The following KCNIP4 variants were observed in gnomAD, a reference collection of about 807,000 sequenced individuals.
KCNIP4 encodes Kv channel-interacting protein 4.
In KCNIP4, 12 loss-of-function variants were observed where a neutral mutation model predicts 34.0. That is an observed-to-expected ratio of 0.35 (90% CI 0.23 to 0.57). KCNIP4 has a LOEUF of 0.57. Among genes scored for constraint, KCNIP4 ranks in the 20% least tolerant of loss-of-function variants. The pLI is 0.83. For synonymous variants in KCNIP4, 124 were observed against 102.2 expected, an observed-to-expected ratio of 1.21 and a Z score of -1.29; for missense variants, 238 against 311.7, an observed-to-expected ratio of 0.76 and a Z score of 1.78.
At chr4:20,772,848 A>G (rs1365250946) in intron 3 of KCNIP4, among the ~76,000 whole-genome samples, 1 of 151,732 alleles carries the variant, frequency 6.6e-6, no homozygotes, top group South Asian at 2.1e-4. Context: ...TCACCATGCT[A>G]ATCTCGAACT....
intron 1 of KCNIP4, among the ~76,000 whole-genome samples, chr4:21,469,867 G>A (rs559954374): frequency 6.6e-6 from 1 of 152,184 alleles, no homozygotes; most frequent in South Asian, 2.1e-4. Context: ...TACTAAATGT[G>A]TCCCTATGAT....
At chr4:20,950,634 C>T (rs1463622820) in intron 1 of KCNIP4, among the ~76,000 whole-genome samples, 1 of 151,934 alleles carries the variant, frequency 6.6e-6, no homozygotes, top group Non-Finnish European at 1.5e-5. Context: ...GGCTTTTCCC[C>T]CTTTGTAGGT....
At chr4:21,406,925 T>C (rs1724044119) in intron 1 of KCNIP4, among the ~76,000 whole-genome samples, 1 of 152,214 alleles carries the variant, frequency 6.6e-6, no homozygotes, top group African/African-American at 2.4e-5. Flanking sequence ...GGTTGATGGT[T>C]ATTTTAATAA....
At chr4:21,916,085 T>C (rs1728615422) in intron 1 of KCNIP4, among the ~76,000 whole-genome samples, 1 of 152,198 alleles carries the variant, frequency 6.6e-6, no homozygotes. Context: ...TATGTTTGGG[T>C]CAAAATACCT....
chr4:20,872,921 C>T (rs1363931326), intron 2 of KCNIP4, among the ~76,000 whole-genome samples: 1 of 152,172 alleles, frequency 6.6e-6, no homozygotes, highest in Non-Finnish European at 1.5e-5. Flanking sequence ...GCCAAGATGT[C>T]TAAAATAAAA....
At chr4:21,705,548 A>C (rs1713199390) in intron 1 of KCNIP4, among the ~76,000 whole-genome samples, 1 of 152,114 alleles carries the variant, frequency 6.6e-6, no homozygotes, top group South Asian at 2.1e-4. Context: ...CCAATAGACA[A>C]AATTGGTGTC....
chr4:21,437,515 C>G (rs111495182), intron 1 of KCNIP4, among the ~76,000 whole-genome samples: 2 of 152,184 alleles, frequency 1.3e-5, no homozygotes, highest in African/African-American at 4.8e-5. Context: ...TTTGTTGAAC[C>G]TTTAGGGTTT....
intron 1 of KCNIP4, among the ~76,000 whole-genome samples, chr4:20,975,981 AAC>A (rs1440324017): frequency 6.6e-6 from 1 of 152,194 alleles, no homozygotes; most frequent in Non-Finnish European, 1.5e-5. Context: ...TTTGTGCTAC[AAC>A]AGAGTTGAGG....
chr4:21,668,837 A>G (rs372468330), intron 1 of KCNIP4, among the ~76,000 whole-genome samples: 1 of 148,494 alleles, frequency 6.7e-6, no homozygotes, highest in Non-Finnish European at 1.5e-5. Flanking sequence ...CTCTCTATTT[A>G]TATCTACATA....
intron 1 of KCNIP4, among the ~76,000 whole-genome samples, chr4:21,807,644 A>G (rs544485076): frequency 1.3e-5 from 2 of 152,196 alleles, no homozygotes; most frequent in Non-Finnish European, 2.9e-5. Flanking sequence ...ACATTCCACA[A>G]TGTGTCATGA....
chr4:21,422,232 G>A (rs917731105), intron 1 of KCNIP4, among the ~76,000 whole-genome samples: 8 of 140,982 alleles, frequency 5.7e-5, no homozygotes, highest in Non-Finnish European at 7.5e-5. Context: ...GTCTCGCTTT[G>A]TCGCCCAGGC....
chr4:21,805,510 C>T (rs572349906), intron 1 of KCNIP4, among the ~76,000 whole-genome samples: 44 of 152,226 alleles, frequency 2.9e-4, no homozygotes, highest in Non-Finnish European at 5.6e-4. Flanking sequence ...CCTCCCCAGC[C>T]GTGTGGAACT....
Position 21,553,143 on chromosome 4 carries a change from G to A in KCNIP4, c.61+395428C>T, listed in dbSNP as rs866927742. On this transcript the variant is annotated intron_variant, in intron 1 of 8. Coordinates refer to ENST00000382152, the MANE Select transcript of KCNIP4 (RefSeq NM_025221.6). Reference sequence around the variant, plus strand: ...GAAAATAACATCTGAAAGCTTAAAGGGGGGGGTCATAAAAGAGTTGGAATA... The same window carrying A: ...GAAAATAACATCTGAAAGCTTAAAGAGGGGGGTCATAAAAGAGTTGGAATA... 1.3e-3 allele frequency among the ~76,000 whole-genome samples: 134 copies of A among 106,306 alleles called. 2 individuals are homozygous for A. The highest frequency in any genetic ancestry group is 5.0e-3 in the Middle Eastern group (1 of 202). 69.7% of individuals were successfully genotyped at this position (106,306 alleles called of 152,430 possible). A position where few individuals can be genotyped will look rare whatever the true frequency, so the allele number is the denominator to read the frequency against.
chr4:21,666,585 T>G (rs1189555054), intron 1 of KCNIP4, among the ~76,000 whole-genome samples: 1 of 152,220 alleles, frequency 6.6e-6, no homozygotes. Flanking sequence ...TGTTCTGGTC[T>G]CTACTGATTT....
At chr4:21,532,554 C>G (rs1736776614) in intron 1 of KCNIP4, among the ~76,000 whole-genome samples, 1 of 152,104 alleles carries the variant, frequency 6.6e-6, no homozygotes, top group Non-Finnish European at 1.5e-5. Flanking sequence ...AACTGTAACA[C>G]CACACATAGC....
At chr4:21,341,918 A>C (rs1283172226) in intron 1 of KCNIP4, among the ~76,000 whole-genome samples, 1 of 152,182 alleles carries the variant, frequency 6.6e-6, no homozygotes, top group Non-Finnish European at 1.5e-5. Flanking sequence ...CAAACTGAAC[A>C]TTGTGCAGAA....
intron 1 of KCNIP4, among the ~76,000 whole-genome samples, chr4:21,477,494 T>C (rs1326270034): frequency 6.6e-6 from 1 of 152,160 alleles, no homozygotes; most frequent in Non-Finnish European, 1.5e-5. Context: ...TATCAATTAA[T>C]CTGTGTATTA....
chr4:21,223,956 G>A (rs1758171452), intron 1 of KCNIP4, among the ~76,000 whole-genome samples: 1 of 151,992 alleles, frequency 6.6e-6, no homozygotes, highest in South Asian at 2.1e-4. Flanking sequence ...AGCTCCTAAG[G>A]CCACCTGCTT....
chr4:21,474,893 T>G (rs774579496), intron 1 of KCNIP4, among the ~76,000 whole-genome samples: 1 of 150,504 alleles, frequency 6.6e-6, no homozygotes. Flanking sequence ...ATCAGCTACT[T>G]AGGAGGCTGA....
Sources: allele counts gnomAD v4.1 joint callset (sites outside exome capture counted in the v4.1 genomes callset), GRCh38; gene constraint gnomAD v4.1.1; transcripts MANE v1.5; gene names NCBI Gene and HGNC (gene_info 2026-07-23, HGNC 2026-07-21).